HS1BP3: variants seen among roughly 807,000 people sequenced by gnomAD.
The protein encoded by HS1BP3 is HCLS1 binding protein 3.
HS1BP3 carries 32 observed loss-of-function variants against 33.5 expected under a neutral mutation model. The ratio of observed to expected loss-of-function variants is 0.95; its 90% confidence interval spans 0.72 to 1.28. The LOEUF (loss-of-function observed/expected upper bound fraction) is 1.28, where lower values mean the gene tolerates loss of function less well. HS1BP3 is among the 50% of genes most tolerant of loss of function. The probability of loss-of-function intolerance (pLI) is 0.00; values close to 1 mark genes in which losing one functional copy is unlikely to be tolerated. For missense variants in HS1BP3, 486 were observed against 502.3 expected, an observed-to-expected ratio of 0.97 and a Z score of 0.31; for synonymous variants, 187 against 209.2, an observed-to-expected ratio of 0.89 and a Z score of 0.92.
intron 5 of HS1BP3, among the ~76,000 whole-genome samples, chr2:20,586,848 G>A (rs1208147985): frequency 2.0e-5 from 3 of 152,126 alleles, no homozygotes; most frequent in East Asian, 1.9e-4. Context: ...TTTGCGTTTC[G>A]TTAATAATCG....
intron 5 of HS1BP3, among the ~76,000 whole-genome samples, chr2:20,573,846 C>G (rs1372185209): frequency 6.6e-6 from 1 of 152,202 alleles, no homozygotes; most frequent in African/African-American, 2.4e-5. Flanking sequence ...CCTTGTGAGA[C>G]ACAACACCGC....
At chr2:20,576,797 C>T (rs998382134) in intron 5 of HS1BP3, among the ~76,000 whole-genome samples, 5 of 152,216 alleles carry the variant, frequency 3.3e-5, no homozygotes, top group African/African-American at 1.2e-4. Flanking sequence ...GCCTGCCTCC[C>T]GGAAGCTGAA....
Position 20,646,077 on chromosome 2 carries a change from T to C in HS1BP3, c.33-572A>G, listed in dbSNP as rs116135190. 4.8e-3 allele frequency among the ~76,000 whole-genome samples: 724 copies of C among 152,284 alleles called. 6 individuals are homozygous for C. The highest frequency in any genetic ancestry group is 0.017 in the African/African-American group (699 of 41,554). On this transcript the variant is annotated intron_variant, in intron 1 of 6. Transcript: ENST00000304031. ...GCTGCCCCTCGAGGTGTAGAGAGGATGCATCGGCAAAACATCACCGCTCTT... is the reference window on the plus strand; with the variant it reads ...GCTGCCCCTCGAGGTGTAGAGAGGACGCATCGGCAAAACATCACCGCTCTT...
At chr2:20,636,912 C>T (rs910927790) in intron 4 of HS1BP3, 1 of 152,178 alleles carries the variant, frequency 6.6e-6, no homozygotes, top group Non-Finnish European at 1.5e-5. Flanking sequence ...CACACGGGTC[C>T]TTAAAAAGAA....
intron 2 of HS1BP3, 137 bp downstream of exon 2, chr2:20,645,203 G>C (rs999397475): frequency 1.6e-5 from 13 of 799,848 alleles, no homozygotes; most frequent in Non-Finnish European, 2.5e-5. Flanking sequence ...AGCATGGTCT[G>C]GTACTCCAGG....
At chr2:20,579,893 C>T (rs990508772) in intron 5 of HS1BP3, among the ~76,000 whole-genome samples, 1 of 152,296 alleles carries the variant, frequency 6.6e-6, no homozygotes, top group Non-Finnish European at 1.5e-5. Flanking sequence ...AAGTTCCAGG[C>T]TCAGGCCTTG....
chr2:20,569,126 G>A (rs923504476), intron 5 of HS1BP3, among the ~76,000 whole-genome samples: 1 of 152,122 alleles, frequency 6.6e-6, no homozygotes, highest in Non-Finnish European at 1.5e-5. Flanking sequence ...CCTTGTTCCC[G>A]GGTAGCCAAA....
chr2:20,583,380 G>T (rs531023789), intron 5 of HS1BP3, among the ~76,000 whole-genome samples: 1 of 140,708 alleles, frequency 7.1e-6, no homozygotes, highest in Non-Finnish European at 1.5e-5. Flanking sequence ...TATGGGGGCA[G>T]CTTACTGGGT....
chr2:20,642,466 G>A (rs1372390241), intron 2 of HS1BP3, among the ~76,000 whole-genome samples: 1 of 152,214 alleles, frequency 6.6e-6, no homozygotes, highest in African/African-American at 2.4e-5. Context: ...ACAGCCCTCA[G>A]GGAAAGGCAC....
chr2:20,566,396 C>T (rs1055122023), intron 5 of HS1BP3, among the ~76,000 whole-genome samples: 2 of 152,164 alleles, frequency 1.3e-5, no homozygotes, highest in Non-Finnish European at 2.9e-5. Context: ...GCATTTCTGC[C>T]CCAGTGGCCT....
intron 1 of HS1BP3, among the ~76,000 whole-genome samples, chr2:20,649,671 G>A (rs906432704): frequency 3.3e-5 from 5 of 152,208 alleles, no homozygotes; most frequent in Admixed American, 2.6e-4. Context: ...AGATCGGGCT[G>A]GAAAGAGGAG....
downstream of HS1BP3, among the ~76,000 whole-genome samples, chr2:20,592,217 T>C (rs945018212): frequency 6.6e-6 from 1 of 152,180 alleles, no homozygotes; most frequent in Non-Finnish European, 1.5e-5. Context: ...CCCAGCTTTT[T>C]GGGAGGCTGA....
chr2:20,557,370 G>A (rs1028974345), downstream of HS1BP3, among the ~76,000 whole-genome samples: 13 of 152,130 alleles, frequency 8.5e-5, no homozygotes, highest in African/African-American at 3.1e-4. Flanking sequence ...GAATGATGAC[G>A]GCTGGGCCTC....
chr2:20,593,703 G>GC (rs1558326769), intron 3 of HS1BP3, among the ~76,000 whole-genome samples: 1 of 151,994 alleles, frequency 6.6e-6, no homozygotes, highest in Non-Finnish European at 1.5e-5. Flanking sequence ...CCCCCACTGC[G>GC]CCCGCTCTCA....
intron 3 of HS1BP3, among the ~76,000 whole-genome samples, chr2:20,639,488 G>A (rs1695270642): frequency 1.3e-5 from 2 of 152,206 alleles, no homozygotes; most frequent in African/African-American, 4.8e-5. Context: ...TGCTTACTGG[G>A]TAGTTTAAAA....
chr2:20,622,239 T>A, intron 6 of HS1BP3: 1 of 1,301,872 alleles, frequency 7.7e-7, no homozygotes, highest in Non-Finnish European at 1.0e-6. Context: ...CCCTGGATAG[T>A]CACAGGGCAG....
rs369561685 is a variant in HS1BP3 at position 20,630,417 on chromosome 2, A to G, written c.624-5525T>C. On this transcript the variant is annotated intron_variant, in intron 4 of 6. Transcript: ENST00000304031. Reference sequence around the variant, plus strand: ...AGTAATTGGGACACAGGCACACACCATAACACGTGGCTAATTAAAAAATAA... The same window carrying G: ...AGTAATTGGGACACAGGCACACACCGTAACACGTGGCTAATTAAAAAATAA... 5.3e-5 allele frequency among the ~76,000 whole-genome samples: 8 copies of G among 152,022 alleles called. No individual in the cohort carries two copies. The East Asian group carries it at 7.7e-4, about 15-fold the overall frequency.
At chr2:20,609,772 G>T (rs1031032938) in intron 2 of HS1BP3, among the ~76,000 whole-genome samples, 1 of 152,200 alleles carries the variant, frequency 6.6e-6, no homozygotes, top group Non-Finnish European at 1.5e-5. Flanking sequence ...GGCCAATTGA[G>T]GATTCTGACC....
chr2:20,615,482 C>A (rs896491971), downstream of HS1BP3, among the ~76,000 whole-genome samples: 6 of 152,234 alleles, frequency 3.9e-5, no homozygotes, highest in Non-Finnish European at 4.4e-5. Flanking sequence ...TGAGTGGGAC[C>A]ATTCATAGCT....
Sources: gnomAD v4.1 joint callset for allele counts (sites outside exome capture counted in the v4.1 genomes callset) on GRCh38, gnomAD v4.1.1 for gene constraint, MANE v1.5 for transcripts, NCBI Gene and HGNC (gene_info 2026-07-23, HGNC 2026-07-21) for gene names.